C16orf96: variants seen among roughly 807,000 people sequenced by gnomAD.
C16orf96 encodes uncharacterized protein C16orf96.
A neutral mutation model predicts 103.6 loss-of-function variants in C16orf96; 108 were observed. The observed-to-expected ratio is 1.04, with a 90% CI of 0.89 to 1.22. The LOEUF (loss-of-function observed/expected upper bound fraction) is 1.22, where lower values mean the gene tolerates loss of function less well. Among genes scored for constraint, C16orf96 ranks in the 50% most tolerant of loss-of-function variants. The pLI is 0.00. For missense variants in C16orf96, 1,586 were observed against 1,464.2 expected (o/e 1.08, Z -1.36); for synonymous variants, 566 against 593.5 (o/e 0.95, Z 0.67).
At chr16:4,564,566 T>A (rs1208253724) in intron 1 of C16orf96, among the ~76,000 whole-genome samples, 1 of 152,162 alleles carries the variant, frequency 6.6e-6, no homozygotes, top group Non-Finnish European at 1.5e-5. Flanking sequence ...ATCCCAGCAC[T>A]TTGGGAGGCT....
rs369478735 is a variant in C16orf96 at position 4,599,317 on chromosome 16, T to G, written c.3161T>G (p.Leu1054Arg). ...GCTCCATCTCCCCCGTCACAAAGCC[T>G]GTATGACCGTGTGCACTCCAGTGCC... is the stretch of plus-strand genomic sequence containing the variant. ...VKAPSPPSQS[L>R]YDRVHSSALF... Residue 1054 changes from leucine to arginine, a missense_variant, in exon 15 of 16, where the codon CTG (leucine) becomes CGG (arginine). Coordinates refer to ENST00000444310, the MANE Select transcript of C16orf96 (RefSeq NM_001145011.2). The G allele has an allele frequency of 3.2e-6, 5 of 1,551,662 alleles. No homozygotes were observed. The highest frequency in any genetic ancestry group is 2.4e-5 in the East Asian group (1 of 40,904).
intron 5 of C16orf96, 35 bp downstream of exon 5, chr16:4,576,670 GA>G: frequency 6.6e-7 from 1 of 1,514,570 alleles, no homozygotes; most frequent in Non-Finnish European, 8.9e-7. Flanking sequence ...GGGCACAAGG[GA>G]GTGGGGCTCT....
chr16:4,558,450 TA>T (rs976909175), intron 1 of C16orf96, among the ~76,000 whole-genome samples: 1 of 151,684 alleles, frequency 6.6e-6, no homozygotes, highest in Non-Finnish European at 1.5e-5. Flanking sequence ...CTCATCTCTA[TA>T]AAAAAATGAA....
intron 1 of C16orf96, among the ~76,000 whole-genome samples, chr16:4,563,868 C>T (rs977562292): frequency 5.9e-5 from 9 of 151,688 alleles, no homozygotes; most frequent in Non-Finnish European, 1.0e-4. Context: ...TGTGCCCGGC[C>T]TCTGTTGACT....
chr16:4,556,026 T>C (rs572839119), upstream of C16orf96, among the ~76,000 whole-genome samples: 2 of 152,212 alleles, frequency 1.3e-5, no homozygotes, highest in South Asian at 4.1e-4. Context: ...TCTTATCTCT[T>C]TGTAAAACCT....
In C16orf96 at chr16:4,567,628, C is replaced by T. The variant is rs79954065; in HGVS notation, c.421-3933C>T. 9.8e-3 allele frequency among the ~76,000 whole-genome samples: 1,429 copies of T among 145,944 alleles called. 19 individuals are homozygous for T. Among genetic ancestry groups the T allele is most frequent in the African/African-American group, 0.033 (1,295 of 39,744 alleles). On this transcript the variant is annotated intron_variant, in intron 1 of 15. Coordinates refer to ENST00000444310, the MANE Select transcript of C16orf96 (RefSeq NM_001145011.2). ...GTGATTTCTTCTTTGACATATTTGT[C>T]ATTTAGTAGAATGTTTTTTAAATTT...
intron 7 of C16orf96, among the ~76,000 whole-genome samples, chr16:4,586,310 C>A (rs1264813138): frequency 1.3e-5 from 2 of 152,204 alleles, no homozygotes; most frequent in Non-Finnish European, 2.9e-5. Context: ...TCTGTTGACA[C>A]CCCAGTGGCC....
At chr16:4,579,382 T>G (rs2059554646) in intron 6 of C16orf96, among the ~76,000 whole-genome samples, 1 of 151,866 alleles carries the variant, frequency 6.6e-6, no homozygotes, top group Non-Finnish European at 1.5e-5. Context: ...GTGAGATCCC[T>G]TCTCTGCAAA....
At chr16:4,549,866 C>T in the C16orf96 span, among the ~76,000 whole-genome samples, 5 of 152,258 alleles carry the variant, frequency 3.3e-5, no homozygotes, top group Admixed American at 2.0e-4. Flanking sequence ...GCCGACTCCC[C>T]TTCGCCTTCC....
rs373692488 is a variant in C16orf96 at position 4,557,195 on chromosome 16, C to T, written c.420+286C>T. ...ATGTTGGCCAGGCTGGTCTCAAACC[C>T]CTGATCTCAACTGATCCACCTGCCT... On this transcript the variant is annotated intron_variant, in intron 1 of 15. Coordinates refer to ENST00000444310, the MANE Select transcript of C16orf96 (RefSeq NM_001145011.2). Among the ~76,000 whole-genome samples, 277 of 152,194 alleles carry T rather than the reference C, an allele frequency of 1.8e-3. 1 individual carries two copies. Among genetic ancestry groups the T allele is most frequent in the African/African-American group, 6.4e-3 (264 of 41,528 alleles).
intron 1 of C16orf96, among the ~76,000 whole-genome samples, chr16:4,559,498 C>T (rs868455948): frequency 2.6e-5 from 4 of 151,356 alleles, no homozygotes; most frequent in East Asian, 1.9e-4. Context: ...TTCTAGTGGG[C>T]GGAGATTGCG....
At chr16:4,562,442 C>G (rs535587852) in intron 1 of C16orf96, among the ~76,000 whole-genome samples, 33 of 126,042 alleles carry the variant, frequency 2.6e-4, no homozygotes, top group Admixed American at 9.4e-4. Flanking sequence ...ACAGCCTGGA[C>G]AATGGAGCAA....
At chr16:4,561,104 C>T (rs2059325848) in intron 1 of C16orf96, 2 of 151,882 alleles carry the variant, frequency 1.3e-5, no homozygotes, top group African/African-American at 4.8e-5. Flanking sequence ...GAGATTGCGC[C>T]ATTGCACTCC....
chr16:4,585,007 C>A (rs956012981), intron 7 of C16orf96, among the ~76,000 whole-genome samples: 5 of 152,144 alleles, frequency 3.3e-5, no homozygotes, highest in Admixed American at 3.3e-4. Flanking sequence ...TATAGCCTGG[C>A]ATGGTGGCTT....
At chr16:4,568,629 A>T (rs1366616230) in intron 1 of C16orf96, among the ~76,000 whole-genome samples, 27 of 125,536 alleles carry the variant, frequency 2.2e-4, no homozygotes, top group South Asian at 5.2e-4. Context: ...TTTCTTTTTA[A>T]TTTTTTTTTT....
At chr16:4,555,675 CTCTTTTCTTTT>C (rs1475703386), upstream of C16orf96, among the ~76,000 whole-genome samples, 1 of 149,692 alleles carries the variant, frequency 6.7e-6, no homozygotes, top group African/African-American at 2.5e-5. Flanking sequence ...CCGGCCTTTT[CTCTTTTCTTTT>C]TCTTTTCTTT....
chr16:4,587,876 C>T (rs1387430436), intron 8 of C16orf96, among the ~76,000 whole-genome samples: 1 of 152,152 alleles, frequency 6.6e-6, no homozygotes, highest in Non-Finnish European at 1.5e-5. Flanking sequence ...GTGGAGGCTG[C>T]AGTGAGCTAT....
At chr16:4,576,706 C>T in intron 5 of C16orf96, 71 bp downstream of exon 5, 1 of 1,401,882 alleles carries the variant, frequency 7.1e-7, no homozygotes, top group Non-Finnish European at 9.6e-7. Context: ...AGAAGTGTGT[C>T]CTGTCCTTCA....
the C16orf96 span, among the ~76,000 whole-genome samples, chr16:4,550,118 C>G: frequency 6.9e-6 from 1 of 144,894 alleles, no homozygotes; most frequent in East Asian, 2.0e-4. Context: ...CAGTTTCACT[C>G]TTGTTGCCCC....
Sources: gnomAD v4.1 joint callset for allele counts (sites outside exome capture counted in the v4.1 genomes callset) on GRCh38, gnomAD v4.1.1 for gene constraint, MANE v1.5 for transcripts, NCBI Gene and HGNC (gene_info 2026-07-23, HGNC 2026-07-21) for gene names.